The following AFF4 variants were observed in gnomAD, a reference collection of about 807,000 sequenced individuals.
AFF4 encodes the protein ALF transcription elongation factor 4, also known as AF4/FMR2 family member 4.
Under a neutral mutation model 124.8 loss-of-function variants are expected in AFF4, and 13 were observed. The observed-to-expected ratio is 0.10, with a 90% CI of 0.07 to 0.17. The LOEUF (loss-of-function observed/expected upper bound fraction) is 0.17, where lower values mean the gene tolerates loss of function less well. Ranked by LOEUF, AFF4 falls within the 10% of genes least tolerant of loss-of-function variation. The probability of loss-of-function intolerance (pLI) is 1.00; values close to 1 mark genes in which losing one functional copy is unlikely to be tolerated. For missense variants in AFF4, 1,092 were observed against 1,403.8 expected, an observed-to-expected ratio of 0.78 and a Z score of 3.55; for synonymous variants, 477 against 496.1, an observed-to-expected ratio of 0.96 and a Z score of 0.51.
In AFF4 at chr5:132,876,466, T is replaced by C. The variant is rs1759842603; in HGVS notation, c.*4593A>G. The C allele has an allele frequency of 9.0e-6, 2 of 222,126 alleles. No homozygotes were observed. The highest frequency in any genetic ancestry group is 1.9e-4 in the South Asian group (1 of 5,396). 13.8% of individuals were successfully genotyped at this position (222,126 alleles called of 1,614,324 possible). ...AGGTCAAAACTGAGTATCACTAGAG[T>C]TTCTGGGTGGGAGCTTTTTTATTTT... On this transcript the variant is annotated 3_prime_UTR_variant, in exon 21 of 21. Coordinates refer to ENST00000265343, the MANE Select transcript of AFF4 (RefSeq NM_014423.4).
At chr5:132,919,046 C>T (rs1336695447) in intron 5 of AFF4, among the ~76,000 whole-genome samples, 1 of 151,932 alleles carries the variant, frequency 6.6e-6, no homozygotes, top group Non-Finnish European at 1.5e-5. Context: ...ATGCCCCGTG[C>T]CCAACTAATT....
rs796481281 is a variant in AFF4 at position 132,934,536 on chromosome 5, G to A, written c.529C>T (p.Arg177Cys). 52 of 1,614,008 alleles carry A rather than the reference G, an allele frequency of 3.2e-5. No homozygotes were observed. The Admixed American group carries it at 4.8e-4, about 15-fold the overall frequency. Residue 177 changes from arginine to cysteine, a missense_variant, in exon 3 of 21, where the codon CGT becomes TGT. Transcript: ENST00000265343. ...TGGGGTTTTCCAGGGCTGGAAGAAC[G>A]TGATTTGGAGTGTTCTGATCCATGC... ...GQHGSEHSKSRSSSPGKPQAV... is the reference protein window; with the variant it reads ...GQHGSEHSKSCSSSPGKPQAV...
chr5:132,945,337 T>C (rs1761672809), intron 1 of AFF4: 1 of 152,242 alleles, frequency 6.6e-6, no homozygotes, highest in Non-Finnish European at 1.5e-5. Context: ...CAAAGTTTAA[T>C]GAGAGGCTGG....
chr5:132,947,787 G>A (rs529442964), intron 1 of AFF4, among the ~76,000 whole-genome samples: 1 of 152,208 alleles, frequency 6.6e-6, no homozygotes, highest in African/African-American at 2.4e-5. Context: ...ACAAGTCAGG[G>A]AAACAAAGGT....
intron 7 of AFF4, chr5:132,900,991 T>C (rs1220008205): frequency 1.0e-5 from 10 of 985,402 alleles, no homozygotes; most frequent in Non-Finnish European, 1.2e-5. Context: ...TGACCCTAAG[T>C]TCAAAATATT....
At position 132,934,432 on chromosome 5, in the gene AFF4, T is replaced by C. The variant is rs1272815152; in HGVS notation, c.633A>G (p.Lys211=). The change falls in exon 3 of 21, where the codon AAA becomes AAG. Residue 211 remains lysine (K), a synonymous_variant. Transcript: ENST00000265343. The part of the protein sequence containing the change: ...DHHSKEHQRS[K]SPRDPDANWD... ...AGTTTGCATCAGGGTCCCGAGGTGATTTGGAGCGTTGATGTTCCTTGCTAT... is the reference window on the plus strand; with the variant it reads ...AGTTTGCATCAGGGTCCCGAGGTGACTTGGAGCGTTGATGTTCCTTGCTAT... 17 of 1,613,966 alleles carry C rather than the reference T, an allele frequency of 1.1e-5. No homozygotes were observed. The highest frequency in any genetic ancestry group is 1.4e-5 in the Non-Finnish European group (17 of 1,180,022).
chr5:132,923,738 A>C (rs975802923), intron 5 of AFF4, among the ~76,000 whole-genome samples: 2 of 152,210 alleles, frequency 1.3e-5, no homozygotes, highest in African/African-American at 4.8e-5. Flanking sequence ...GTCTCTAAAA[A>C]ATTAAAATAA....
In AFF4 at chr5:132,896,416, C is replaced by A. The variant is rs556527211; in HGVS notation, c.2214G>T (p.Lys738Asn). 2 of 1,614,164 alleles carry A rather than the reference C, an allele frequency of 1.2e-6. No individual in the cohort carries two copies. Among genetic ancestry groups the A allele is most frequent in the East Asian group, 2.2e-5 (1 of 44,886 alleles). ...TTTCTGGCACATTTTTCTTTTCCCC[C>A]TTGGGCGGCTCTGTTTCTTTGTAAG... ...GKPYKETEPP[K>N]GEKKNVPEKH... is the part of the protein sequence containing the mutation. Residue 738 changes from lysine (K) to asparagine (N), a missense_variant, in exon 11 of 21, where the codon AAG becomes AAT. Coordinates refer to ENST00000265343, the MANE Select transcript of AFF4 (RefSeq NM_014423.4).
intron 18 of AFF4, 125 bp from the exon 19 acceptor site, chr5:132,885,244 A>C: frequency 1.9e-6 from 1 of 525,496 alleles, no homozygotes. Flanking sequence ...TAAGACACCA[A>C]AATACGTGTG....
chr5:132,962,745 C>T (rs1762107368), intron 1 of AFF4, among the ~76,000 whole-genome samples: 1 of 151,736 alleles, frequency 6.6e-6, no homozygotes, highest in South Asian at 2.1e-4. Context: ...AGTATTATAC[C>T]CCCACGTTCC....
rs758160342 is a variant in AFF4, at chr5:132,886,396, A to C, written c.3013T>G (p.Cys1005Gly). Reference protein sequence around the residue: ...DKRLTVLCLRCESLLYLRLFK... With the variant: ...DKRLTVLCLRGESLLYLRLFK... ...AGCCTCAGGTACAGCAAAGACTCGC[A>C]TCGCAGGCTAGCCAATGGAAAAGGG... The change falls in exon 18 of 21, where the codon TGC becomes GGC. Residue 1005 changes from cysteine (C) to glycine (G), a missense_variant. Physicochemically the swap from Cys to Gly is radical, Grantham distance 159 (BLOSUM62 -3). Transcript: ENST00000265343. 6.2e-7 allele frequency: 1 copy of C among 1,613,986 alleles called. No individual in the cohort carries two copies. Among genetic ancestry groups the C allele is most frequent in the Non-Finnish European group, 8.5e-7 (1 of 1,180,006 alleles).
At chr5:132,901,774 C>T (rs1208525004) in intron 7 of AFF4, among the ~76,000 whole-genome samples, 2 of 152,134 alleles carry the variant, frequency 1.3e-5, no homozygotes, top group Non-Finnish European at 2.9e-5. Flanking sequence ...AATATACACA[C>T]AAAAACATAC....
intron 5 of AFF4, among the ~76,000 whole-genome samples, chr5:132,914,979 G>C (rs1760874715): frequency 1.3e-5 from 2 of 152,086 alleles, no homozygotes; most frequent in South Asian, 4.1e-4. Flanking sequence ...TCTAATTTTT[G>C]CTTAAAAACC....
intron 5 of AFF4, among the ~76,000 whole-genome samples, chr5:132,905,490 C>A (rs1045310788): frequency 6.6e-6 from 1 of 152,066 alleles, no homozygotes; most frequent in African/African-American, 2.4e-5. Flanking sequence ...TATAGTTTTG[C>A]GGTTAAAAAA....
Position 132,883,336 on chromosome 5 carries a change from C to T in AFF4, c.3364+4G>A. 2 of 1,613,534 alleles carry T rather than the reference C, an allele frequency of 1.2e-6. No homozygotes were observed. Among genetic ancestry groups the T allele is most frequent in the Non-Finnish European group, 1.7e-6 (2 of 1,179,676 alleles). The stretch of plus-strand genomic sequence containing the variant: ...CCTTGAAGTTTATCCAGAAACCTAC[C>T]TACCTTTTTGCTCTTTGGAAAGCTG... On this transcript the variant is annotated splice_donor_region_variant and intron_variant, in intron 20 of 20. Coordinates refer to ENST00000265343, the MANE Select transcript of AFF4 (RefSeq NM_014423.4).
At chr5:132,948,745 A>G (rs1254297075) in intron 1 of AFF4, 2 of 182,886 alleles carry the variant, frequency 1.1e-5, no homozygotes, top group Non-Finnish European at 2.5e-5. Context: ...TACAGTGTTC[A>G]GTCATTGAAA....
Position 132,904,392 on chromosome 5 carries a change from ACTG to A in AFF4, c.1060_1062del (p.Gln354del). 4 of 1,610,530 alleles carry A rather than the reference ACTG, an allele frequency of 2.5e-6. No individual in the cohort carries two copies. Among genetic ancestry groups the A allele is most frequent in the South Asian group, 1.1e-5 (1 of 90,560 alleles). On this transcript the variant is annotated inframe_deletion, in exon 6 of 21. Transcript: ENST00000265343. Reference sequence around the variant, plus strand: ...CTTTGTTCTCCAGTGCCAAAATTGGACTGCTGAGACTCCTAAGAAAAAGGAACA... The same window carrying A: ...CTTTGTTCTCCAGTGCCAAAATTGGACTGAGACTCCTAAGAAAAAGGAACA...
chr5:132,946,398 A>G (rs558039365), intron 1 of AFF4, among the ~76,000 whole-genome samples: 1 of 152,344 alleles, frequency 6.6e-6, no homozygotes, highest in African/African-American at 2.4e-5. Context: ...TAGCGAAAAG[A>G]TGGAAACAAC....
intron 11 of AFF4, 85 bp from the exon 12 acceptor site, chr5:132,893,203 A>G: frequency 9.9e-6 from 10 of 1,011,126 alleles, no homozygotes; most frequent in South Asian, 1.3e-5. Context: ...GAGTTTATCC[A>G]TGATTAGGCA....
Sources: gnomAD v4.1 joint callset for allele counts (sites outside exome capture counted in the v4.1 genomes callset) on GRCh38, gnomAD v4.1.1 for gene constraint, MANE v1.5 for transcripts, NCBI Gene and HGNC (gene_info 2026-07-23, HGNC 2026-07-21) for gene names.